PAPPA2: variants seen among roughly 807,000 people sequenced by gnomAD.
The protein encoded by PAPPA2 is pappalysin-2.
PAPPA2 carries 86 observed loss-of-function variants against 176.4 expected under a neutral mutation model. That is an observed-to-expected ratio of 0.49 (90% CI 0.41 to 0.58). PAPPA2 has a LOEUF of 0.58. Among genes scored for constraint, PAPPA2 ranks in the 20% least tolerant of loss-of-function variants. The probability of loss-of-function intolerance (pLI) is 0.00; values close to 1 mark genes in which losing one functional copy is unlikely to be tolerated. For synonymous variants in PAPPA2, 809 were observed against 852.2 expected (o/e 0.95, Z 0.88); for missense variants, 2,073 against 2,256.9 (o/e 0.92, Z 1.65).
At chr1:176,731,684 T>TGTGTATATATACAC (rs1662154833) in intron 12 of PAPPA2, among the ~76,000 whole-genome samples, 2 of 151,056 alleles carry the variant, frequency 1.3e-5, no homozygotes, top group Non-Finnish European at 2.9e-5. Context: ...TGTGTATATA[T>TGTGTATATATACAC]ACATATATGT....
intron 3 of PAPPA2, among the ~76,000 whole-genome samples, chr1:176,668,338 C>A (rs1194419431): frequency 6.6e-6 from 1 of 152,116 alleles, no homozygotes; most frequent in African/African-American, 2.4e-5. Context: ...GCAGTTCATC[C>A]CCTTTTAATA....
chr1:176,701,122 A>C (rs1660636232), intron 8 of PAPPA2, among the ~76,000 whole-genome samples: 1 of 152,054 alleles, frequency 6.6e-6, no homozygotes, highest in Admixed American at 6.6e-5. Flanking sequence ...GAAAAATCTG[A>C]GGCTTAACTT....
chr1:176,619,982 A>G (rs1655492306), intron 3 of PAPPA2, among the ~76,000 whole-genome samples: 1 of 152,342 alleles, frequency 6.6e-6, no homozygotes, highest in East Asian at 1.9e-4. Flanking sequence ...TTAGGCTGCT[A>G]TGACAAGCTA....
chr1:176,483,880 T>C (rs568380581), intron 1 of PAPPA2, among the ~76,000 whole-genome samples: 2 of 152,324 alleles, frequency 1.3e-5, no homozygotes, highest in African/African-American at 4.8e-5. Flanking sequence ...CAATGGCTCC[T>C]GAGGGGAGGG....
intron 14 of PAPPA2, among the ~76,000 whole-genome samples, chr1:176,760,183 G>A (rs1286227459): frequency 6.6e-6 from 1 of 152,130 alleles, no homozygotes; most frequent in Non-Finnish European, 1.5e-5. Flanking sequence ...AAATAGCCAT[G>A]AATTTATAAT....
intron 14 of PAPPA2, among the ~76,000 whole-genome samples, chr1:176,764,861 G>C (rs939494319): frequency 1.3e-5 from 2 of 152,166 alleles, no homozygotes; most frequent in Non-Finnish European, 2.9e-5. Context: ...CTCCCAAAGC[G>C]CTGGGATTAT....
intron 1 of PAPPA2, among the ~76,000 whole-genome samples, chr1:176,510,092 AT>A: frequency 6.6e-6 from 1 of 152,072 alleles, no homozygotes; most frequent in East Asian, 1.9e-4. Context: ...TATGGCTGAA[AT>A]TTTTCAAATT....
Position 176,762,230 on chromosome 1 carries a change from T to A in PAPPA2, c.4152-3436T>A, listed in dbSNP as rs544277419. 2.7e-5 allele frequency among the ~76,000 whole-genome samples: 4 copies of A among 150,348 alleles called. 1 individual carries two copies. The South Asian group carries it at 8.4e-4, about 32-fold the overall frequency. On this transcript the variant is annotated intron_variant, in intron 14 of 22. Coordinates refer to ENST00000367662, the MANE Select transcript of PAPPA2 (RefSeq NM_020318.3). ...TGCCCTAAAACCATTTCTCACTTCA[T>A]AAACAGGTCTGGGTTTGGTCCTTTT...
At chr1:176,480,670 A>G (rs895925413) in intron 1 of PAPPA2, among the ~76,000 whole-genome samples, 18 of 152,242 alleles carry the variant, frequency 1.2e-4, no homozygotes, top group Admixed American at 3.3e-4. Flanking sequence ...CTTGAGGGGC[A>G]TACACATTTC....
chr1:176,794,804 G>A (rs1211496062), intron 20 of PAPPA2, among the ~76,000 whole-genome samples: 3 of 149,374 alleles, frequency 2.0e-5, no homozygotes, highest in Non-Finnish European at 4.5e-5. Context: ...AGATGTAAGG[G>A]TTTGAAGTTT....
chr1:176,497,619 G>A (rs1450636078), intron 1 of PAPPA2, among the ~76,000 whole-genome samples: 1 of 152,086 alleles, frequency 6.6e-6, no homozygotes, highest in African/African-American at 2.4e-5. Flanking sequence ...AAAGGTTTTT[G>A]TGGCTCTTTT....
intron 2 of PAPPA2, among the ~76,000 whole-genome samples, chr1:176,589,718 A>G (rs1653537553): frequency 6.6e-6 from 1 of 152,224 alleles, no homozygotes; most frequent in Non-Finnish European, 1.5e-5. Context: ...TTTGATGAAT[A>G]AACAACAGTT....
intron 12 of PAPPA2, among the ~76,000 whole-genome samples, chr1:176,726,252 C>T (rs1033895908): frequency 6.6e-6 from 1 of 152,198 alleles, no homozygotes; most frequent in South Asian, 2.1e-4. Flanking sequence ...AACTCTTCTC[C>T]TGAGCCCCAG....
intron 14 of PAPPA2, among the ~76,000 whole-genome samples, chr1:176,741,961 A>G (rs1419237759): frequency 2.0e-5 from 3 of 152,184 alleles, no homozygotes; most frequent in African/African-American, 4.8e-5. Flanking sequence ...AGCTTTGCAC[A>G]TAGTTCCTAC....
At chr1:176,775,173 T>C (rs1417486532) in intron 17 of PAPPA2, among the ~76,000 whole-genome samples, 1 of 152,218 alleles carries the variant, frequency 6.6e-6, no homozygotes, top group Admixed American at 6.5e-5. Context: ...TGGTTACTCA[T>C]CTATATTCAC....
chr1:176,688,263 A>G (rs896469843), intron 4 of PAPPA2, among the ~76,000 whole-genome samples: 16 of 152,210 alleles, frequency 1.1e-4, no homozygotes, highest in African/African-American at 3.4e-4. Flanking sequence ...AGGCACCTGG[A>G]AAGAACAGAA....
At position 176,557,108 on chromosome 1, in the gene PAPPA2, C is replaced by T; in HGVS notation, c.786C>T (p.Ile262=). ...ETFNSQVGLP[I]LYFSGRRERL... ...TTAACTCCCAAGTAGGACTGCCCAT[C>T]TTATACTTCTCTGGGAGGCGGGAGC... The change falls in exon 2 of 23, where the codon ATC becomes ATT. Residue 262 remains isoleucine, a synonymous_variant. Transcript: ENST00000367662. 6.2e-7 allele frequency: 1 copy of T among 1,613,964 alleles called. No homozygotes were observed.
At chr1:176,480,325 G>T (rs749582105) in intron 1 of PAPPA2, among the ~76,000 whole-genome samples, 4 of 152,190 alleles carry the variant, frequency 2.6e-5, no homozygotes, top group Non-Finnish European at 4.4e-5. Context: ...AGCAGTCCTG[G>T]GGAGAGGGCC....
chr1:176,649,362 T>A (rs967763072), intron 3 of PAPPA2, among the ~76,000 whole-genome samples: 1 of 151,258 alleles, frequency 6.6e-6, no homozygotes, highest in African/African-American at 2.4e-5. Flanking sequence ...TTGCATATTT[T>A]ATCTTTTAAA....
Sources: gnomAD v4.1 joint callset for allele counts (sites outside exome capture counted in the v4.1 genomes callset) on GRCh38, gnomAD v4.1.1 for gene constraint, MANE v1.5 for transcripts, NCBI Gene and HGNC (gene_info 2026-07-23, HGNC 2026-07-21) for gene names.